CROCC: variants seen among roughly 807,000 people sequenced by gnomAD.
The protein encoded by CROCC is ciliary rootlet coiled-coil, rootletin.
Under a neutral mutation model 245.2 loss-of-function variants are expected in CROCC, and 180 were observed. The observed-to-expected ratio is 0.73, with a 90% CI of 0.65 to 0.83. CROCC has a LOEUF of 0.83. Ranked by LOEUF, CROCC falls within the 40% of genes least tolerant of loss-of-function variation. The pLI, the probability that CROCC is intolerant of heterozygous loss-of-function variation, is 0.00. For missense variants in CROCC, 2,688 were observed against 2,779.4 expected (o/e 0.97, Z 0.74); for synonymous variants, 1,205 against 1,241.6 (o/e 0.97, Z 0.62).
At chr1:16,934,963 G>C (rs545039216) in intron 8 of CROCC, among the ~76,000 whole-genome samples, 2 of 146,290 alleles carry the variant, frequency 1.4e-5, no homozygotes, top group Non-Finnish European at 3.0e-5. Context: ...GCAGTGGCAC[G>C]ATCTTGGCTC....
At position 16,946,780 on chromosome 1, in the gene CROCC, C is replaced by T; in HGVS notation, c.2303C>T (p.Ala768Val). Residue 768 changes from alanine to valine, a missense_variant, in exon 17 of 37, where the codon GCC becomes GTC. Coordinates refer to ENST00000375541, the MANE Select transcript of CROCC (RefSeq NM_014675.5). ...CTCCAGCTGGAGGAAGAAAAGTCCG[C>T]CCTGCAGGGCCGGCAACGGCAGGCA... is the stretch of plus-strand genomic sequence containing the variant. ...LVAQLEEEKS[A>V]LQGRQRQAEQ... 6.4e-7 allele frequency: 1 copy of T among 1,551,660 alleles called. No individual in the cohort carries two copies. The highest frequency in any genetic ancestry group is 1.4e-5 in the African/African-American group (1 of 73,230).
chr1:16,938,926 T>C lies in CROCC; in HGVS notation c.1392T>C (p.Ser464=). The C allele has an allele frequency of 6.2e-7, 1 of 1,602,884 alleles. No individual in the cohort carries two copies. The highest frequency in any genetic ancestry group is 8.5e-7 in the Non-Finnish European group (1 of 1,176,950). ...ACCCTCAGGCCGTCTTGTCAGACTC[T>C]GAGAGCGGCGTCCAGCTGAGCGGCT... ...RDLAQAVLSD[S]ESGVQLSGSE... Residue 464 remains serine, a synonymous_variant, in exon 12 of 37, where the codon TCT becomes TCC. Transcript: ENST00000375541.
chr1:16,945,297 A>C (rs532553876), intron 14 of CROCC, among the ~76,000 whole-genome samples, 165 bp from the exon 15 acceptor site: 1 of 152,418 alleles, frequency 6.6e-6, no homozygotes, highest in Admixed American at 6.5e-5. Context: ...ACGGAGGCCC[A>C]GGGTCATGGA....
Position 16,960,762 on chromosome 1 carries a change from A to C in CROCC, c.4037A>C (p.Gln1346Pro). 1 of 1,529,410 alleles carries C rather than the reference A, an allele frequency of 6.5e-7. No homozygotes were observed. The allele number at this position is 1,529,410 out of a possible 1,614,324, so 94.7% of individuals were successfully genotyped here. ...ASLEVMRQEL[Q>P]VAQRKLQEQE... ...CACCTCCTGGCATCACTCCAGCTCC[A>C]GGTAGCCCAGCGGAAGCTGCAGGAA... The change falls in exon 27 of 37, where the codon CAG (glutamine) becomes CCG (proline). Residue 1346 changes from glutamine (Q) to proline (P), a missense_variant. Transcript: ENST00000375541.
intron 27 of CROCC, among the ~76,000 whole-genome samples, chr1:16,961,444 G>T (rs115289175): frequency 0.057 from 8,606 of 151,890 alleles, 317 homozygotes; most frequent in African/African-American, 0.09. Context: ...GCTAATTTTT[G>T]TAGTTTTTGT....
Position 16,970,675 on chromosome 1 carries a change from C to G in CROCC, c.5692C>G (p.Arg1898Gly). The change falls in exon 35 of 37, where the codon CGG becomes GGG. Residue 1898 changes from arginine (R) to glycine (G), a missense_variant. Transcript: ENST00000375541. ...GCTTCGTAGCCATGAGGACACAGTG[C>G]GGCTGAGCGCAGAGAAGGGCCGCCT... ...EKLRSHEDTVRLSAEKGRLDR... is the reference protein window; with the variant it reads ...EKLRSHEDTVGLSAEKGRLDR... 2 of 1,595,512 alleles carry G rather than the reference C, an allele frequency of 1.3e-6. No individual in the cohort carries two copies. The highest frequency in any genetic ancestry group is 1.7e-6 in the Non-Finnish European group (2 of 1,170,920).
In CROCC at chr1:16,931,319, A is replaced by G. The variant is rs776274168; in HGVS notation, c.878A>G (p.His293Arg). ...TTCAACGCCTACTTCAGCAACGAGC[A>G]CAGTCGCCTGCTCCTCCTCTGGAGG... ...ESFNAYFSNEHSRLLLLWRQV... is the reference protein window; with the variant it reads ...ESFNAYFSNERSRLLLLWRQV... The change falls in exon 8 of 37, where the codon CAC becomes CGC. Residue 293 changes from histidine to arginine, a missense_variant. By Grantham distance (29) the His-to-Arg change is conservative. Transcript: ENST00000375541. 2 of 1,612,448 alleles carry G rather than the reference A, an allele frequency of 1.2e-6. No individual in the cohort carries two copies. Among genetic ancestry groups the G allele is most frequent in the Non-Finnish European group, 1.7e-6 (2 of 1,178,844 alleles).
intron 13 of CROCC, among the ~76,000 whole-genome samples, chr1:16,943,472 A>T (rs1240175169): frequency 6.6e-6 from 1 of 151,232 alleles, no homozygotes; most frequent in Non-Finnish European, 1.5e-5. Flanking sequence ...CGGGAGGCGG[A>T]GCTTGCAGTG....
At chr1:16,926,448 G>C (rs2075536587) in intron 3 of CROCC, among the ~76,000 whole-genome samples, 1 of 152,262 alleles carries the variant, frequency 6.6e-6, no homozygotes, top group South Asian at 2.1e-4. Context: ...ACAGGTGGCA[G>C]TGCCTGCCCC....
intron 8 of CROCC, among the ~76,000 whole-genome samples, chr1:16,932,470 G>A (rs549201480): frequency 6.6e-6 from 1 of 152,324 alleles, no homozygotes; most frequent in Admixed American, 6.5e-5. Context: ...CTAGACTGAG[G>A]AAGCGAGTGG....
At chr1:16,969,970 CTG>C (rs1469298733) in intron 33 of CROCC, 36 bp downstream of exon 33, 2 of 1,542,290 alleles carry the variant, frequency 1.3e-6, no homozygotes, top group Non-Finnish European at 8.7e-7. Flanking sequence ...GTCCCCAAGA[CTG>C]TGAGGCCCTA....
intron 3 of CROCC, among the ~76,000 whole-genome samples, chr1:16,928,506 T>TTTCCC (rs1257818383): frequency 2.0e-5 from 3 of 152,074 alleles, no homozygotes; most frequent in African/African-American, 7.2e-5. Context: ...CTTTTTTTTT[T>TTTCCC]TAAGATGGAG....
Position 16,953,986 on chromosome 1 carries a change from C to T in CROCC, c.3187-237C>T, listed in dbSNP as rs1211931707. 1.2e-5 allele frequency: 5 copies of T among 415,532 alleles called. No individual in the cohort carries two copies. In the East Asian group the frequency reaches 1.8e-4, roughly 15 times the overall value. The allele number at this position is 415,532 out of a possible 1,614,324, so 25.7% of individuals were successfully genotyped here. ...TGTAAGATGGGTAGAAAGAAAGACT[C>T]TGCAGTCAGGGTGCTGTGGCGGGTT... is the stretch of plus-strand genomic sequence containing the variant. On this transcript the variant is annotated intron_variant, in intron 21 of 36. Coordinates refer to ENST00000375541, the MANE Select transcript of CROCC (RefSeq NM_014675.5).
At chr1:16,935,455 C>G (rs2075767649) in intron 8 of CROCC, among the ~76,000 whole-genome samples, 1 of 152,268 alleles carries the variant, frequency 6.6e-6, no homozygotes, top group Non-Finnish European at 1.5e-5. Context: ...TAGTCTCACT[C>G]TGTCGCCCAG....
At position 16,961,024 on chromosome 1, in the gene CROCC, G is replaced by C. The variant is rs931373427; in HGVS notation, c.4299G>C (p.Leu1433=). ...EVQRRAAEAQ[L]GGLRSALRRG... Reference sequence around the variant, plus strand: ...AGCGGCGCGCGGCGGAGGCCCAGCTGGGTGGCCTGCGCTCGGCTCTGCGCC... The same window carrying C: ...AGCGGCGCGCGGCGGAGGCCCAGCTCGGTGGCCTGCGCTCGGCTCTGCGCC... The change falls in exon 27 of 37, where the codon CTG becomes CTC. Residue 1433 remains leucine, a synonymous_variant. Coordinates refer to ENST00000375541, the MANE Select transcript of CROCC (RefSeq NM_014675.5). 7 of 1,309,360 alleles carry C rather than the reference G, an allele frequency of 5.3e-6. No homozygotes were observed. The highest frequency in any genetic ancestry group is 6.8e-6 in the Non-Finnish European group (7 of 1,036,126). 81.1% of individuals were successfully genotyped at this position (1,309,360 alleles called of 1,614,324 possible). A position where few individuals can be genotyped will look rare whatever the true frequency, so the allele number is the denominator to read the frequency against.
Position 16,939,011 on chromosome 1 carries a change from C to G in CROCC, c.1477C>G (p.Pro493Ala). ...SLRGLSGQRT[P>A]SPPRRSSPGR... The stretch of plus-strand genomic sequence containing the variant: ...GCGGGGGCTCTCGGGCCAGCGGACC[C>G]CGTCCCCACCGCGGCGCTCCTCGCC... The change falls in exon 12 of 37, where the codon CCG (proline) becomes GCG (alanine). Residue 493 changes from proline to alanine, a missense_variant. Pro to Ala is a conservative substitution (Grantham distance 27). Transcript: ENST00000375541. 1 of 1,602,446 alleles carries G rather than the reference C, an allele frequency of 6.2e-7. No individual in the cohort carries two copies. Among genetic ancestry groups the G allele is most frequent in the Non-Finnish European group, 8.5e-7 (1 of 1,176,346 alleles).
Position 16,930,114 on chromosome 1 carries a change from C to A in CROCC, c.538-10C>A. 6.3e-7 allele frequency: 1 copy of A among 1,587,154 alleles called. No homozygotes were observed. The highest frequency in any genetic ancestry group is 1.1e-5 in the South Asian group (1 of 87,014). On this transcript the variant is annotated splice_polypyrimidine_tract_variant and intron_variant, in intron 4 of 36. Coordinates refer to ENST00000375541, the MANE Select transcript of CROCC (RefSeq NM_014675.5). ...ACCCCTGGGGCTCACCATCAGCTCC[C>A]CATCCCCAGATTCTCCAGTACAAGA...
chr1:16,924,416 G>A lies in CROCC; in HGVS notation c.288G>A (p.Leu96=). The A allele has an allele frequency of 6.2e-7, 1 of 1,613,344 alleles. No homozygotes were observed. The highest frequency in any genetic ancestry group is 8.5e-7 in the Non-Finnish European group (1 of 1,179,904). ...LQQELSRVED[L]LAQSRAERDE... Reference sequence around the variant, plus strand: ...AGGAGCTGTCCCGCGTGGAGGACCTGCTGGCCCAGAGCCGTGCCGAGCGCG... The same window carrying A: ...AGGAGCTGTCCCGCGTGGAGGACCTACTGGCCCAGAGCCGTGCCGAGCGCG... The change falls in exon 3 of 37, where the codon CTG becomes CTA. Residue 96 remains leucine, a synonymous_variant. Transcript: ENST00000375541.
chr1:16,969,934 G>A lies in CROCC; in HGVS notation c.5451G>A (p.Glu1817=). ...AGGGCCAGCTACAACAGCTACGGGAGGTGAGGGCCAGGGTGTGCCCCCTCT... is the reference window on the plus strand; with the variant it reads ...AGGGCCAGCTACAACAGCTACGGGAAGTGAGGGCCAGGGTGTGCCCCCTCT... ...EAEGQLQQLR[E]VLRQRQEGEA... Residue 1817 remains glutamate, a splice_region_variant and synonymous_variant, in exon 33 of 37, where the codon GAG becomes GAA. Coordinates refer to ENST00000375541, the MANE Select transcript of CROCC (RefSeq NM_014675.5). 1 of 1,589,366 alleles carries A rather than the reference G, an allele frequency of 6.3e-7. No homozygotes were observed. The highest frequency in any genetic ancestry group is 2.2e-5 in the East Asian group (1 of 44,708).
Sources: allele counts gnomAD v4.1 joint callset (sites outside exome capture counted in the v4.1 genomes callset), GRCh38; gene constraint gnomAD v4.1.1; transcripts MANE v1.5; gene names NCBI Gene and HGNC (gene_info 2026-07-23, HGNC 2026-07-21).